ACTR3C: variants seen among roughly 807,000 people sequenced by gnomAD.
The protein encoded by ACTR3C is actin related protein 3C, also known as actin-related protein 3C.
Under a neutral mutation model 26.3 loss-of-function variants are expected in ACTR3C, and 18 were observed. The ratio of observed to expected loss-of-function variants is 0.68; its 90% CI spans 0.47 to 1.01. The LOEUF (loss-of-function observed/expected upper bound fraction) is 1.01, where lower values mean the gene tolerates loss of function less well. Among genes scored for constraint, ACTR3C ranks in the 50% least tolerant of loss-of-function variants. The pLI is 0.00. For missense variants in ACTR3C, 184 were observed against 250.7 expected, an observed-to-expected ratio of 0.73 and a Z score of 1.80; for synonymous variants, 55 against 94.5, an observed-to-expected ratio of 0.58 and a Z score of 2.42.
chr7:150,110,439 C>T, the ACTR3C span, among the ~76,000 whole-genome samples: 1 of 128,174 alleles, frequency 7.8e-6, no homozygotes, highest in Non-Finnish European at 1.7e-5. Context: ...GCAGGTGGGG[C>T]TGCCTGAGGG....
the ACTR3C span, chr7:150,045,111 C>T: frequency 5.9e-5 from 9 of 152,214 alleles, no homozygotes; most frequent in African/African-American, 2.2e-4. Context: ...ATATCCTCAG[C>T]TTTAAATTTG....
At chr7:150,097,069 C>A in the ACTR3C span, among the ~76,000 whole-genome samples, 118 of 152,228 alleles carry the variant, frequency 7.8e-4, no homozygotes, top group Non-Finnish European at 1.0e-3. Flanking sequence ...ATTCCAAACC[C>A]TTCTTATTAA....
chr7:150,209,238 CAGAG>C, the ACTR3C span, among the ~76,000 whole-genome samples: 5 of 142,066 alleles, frequency 3.5e-5, no homozygotes, highest in African/African-American at 1.4e-4. Context: ...GATACAGAAA[CAGAG>C]AGAGACAGAG....
the ACTR3C span, among the ~76,000 whole-genome samples, chr7:150,238,236 G>T: frequency 1.4e-5 from 2 of 138,384 alleles, no homozygotes; most frequent in African/African-American, 3.0e-5. Context: ...AGAGAAATTA[G>T]TTTATCTCTC....
the ACTR3C span, among the ~76,000 whole-genome samples, chr7:149,978,122 C>T: frequency 2.0e-5 from 3 of 151,996 alleles, no homozygotes; most frequent in Non-Finnish European, 2.9e-5. Flanking sequence ...CCACTTCTGC[C>T]ATAGCCCTTC....
At position 150,252,126 on chromosome 7, in the gene ACTR3C, GTGTGTGTGTGTGTGTGTGTGCA is replaced by G. The variant is rs1349865961; in HGVS notation, c.565-3094_565-3073del. On this transcript the variant is annotated intron_variant, in intron 6 of 7. Transcript: ENST00000683684. ...TCCGTGTGTGTTTGTGTATGTGTCT[GTGTGTGTGTGTGTGTGTGTGCA>G]TGTGTGTGTGTGTGTGTGTGCAATG... Among the ~76,000 whole-genome samples, 4 of 107,256 alleles carry G rather than the reference GTGTGTGTGTGTGTGTGTGTGCA, an allele frequency of 3.7e-5. No homozygotes were observed. The South Asian group carries it at 7.6e-4, about 20-fold the overall frequency. The allele number at this position is 107,256 out of a possible 152,430, so 70.4% of individuals were successfully genotyped here.
At chr7:150,031,275 T>TTA in the ACTR3C span, among the ~76,000 whole-genome samples, 2 of 132,440 alleles carry the variant, frequency 1.5e-5, no homozygotes, top group Non-Finnish European at 3.2e-5. Context: ...AAAAAAAAAG[T>TTA]AAAAAAAAAA....
chr7:150,191,336 C>T, the ACTR3C span, among the ~76,000 whole-genome samples: 2 of 152,046 alleles, frequency 1.3e-5, no homozygotes, highest in African/African-American at 4.8e-5. Context: ...ATTAGATCTC[C>T]CAAACAAAGA....
At chr7:150,043,100 G>A in the ACTR3C span, among the ~76,000 whole-genome samples, 9 of 151,244 alleles carry the variant, frequency 6.0e-5, no homozygotes, top group East Asian at 1.9e-4. Flanking sequence ...CTTAAGCTCC[G>A]GTAGATTGCA....
At chr7:150,132,492 CAT>C in the ACTR3C span, among the ~76,000 whole-genome samples, 3 of 152,146 alleles carry the variant, frequency 2.0e-5, no homozygotes, top group Admixed American at 1.3e-4. Context: ...AGCCAACAAA[CAT>C]ATGAAAAAAT....
At chr7:149,937,133 T>C in the ACTR3C span, among the ~76,000 whole-genome samples, 57,864 of 143,856 alleles carry the variant, frequency 0.4, 11,869 homozygotes, top group Non-Finnish European at 0.5. Flanking sequence ...TACCAACTAA[T>C]AGTGCTGTCG....
At chr7:150,023,820 T>C in the ACTR3C span, among the ~76,000 whole-genome samples, 5 of 144,112 alleles carry the variant, frequency 3.5e-5, no homozygotes, top group Non-Finnish European at 7.6e-5. Context: ...TCTGGGCTGG[T>C]GGGCACGGCC....
the ACTR3C span, among the ~76,000 whole-genome samples, chr7:150,182,447 A>C: frequency 6.6e-6 from 1 of 150,882 alleles, no homozygotes; most frequent in Non-Finnish European, 1.5e-5. Context: ...GCAAATAAGA[A>C]AAAATTTGTA....
At chr7:150,259,776 A>G (rs1227458517) in intron 6 of ACTR3C, among the ~76,000 whole-genome samples, 1 of 152,182 alleles carries the variant, frequency 6.6e-6, no homozygotes, top group Non-Finnish European at 1.5e-5. Flanking sequence ...CAAAAATTGT[A>G]TAAAATATTT....
the ACTR3C span, among the ~76,000 whole-genome samples, chr7:150,003,956 G>A: frequency 6.6e-6 from 1 of 151,636 alleles, no homozygotes; most frequent in Non-Finnish European, 1.5e-5. Flanking sequence ...TGTGTTATGT[G>A]CTATGTGTCA....
the ACTR3C span, among the ~76,000 whole-genome samples, chr7:149,926,738 A>T: frequency 6.6e-6 from 1 of 152,182 alleles, no homozygotes; most frequent in Non-Finnish European, 1.5e-5. Flanking sequence ...GATTCCTCCC[A>T]GCAAGTCACT....
chr7:150,290,291 G>A (rs377227619), intron 3 of ACTR3C, among the ~76,000 whole-genome samples: 50 of 152,336 alleles, frequency 3.3e-4, no homozygotes, highest in African/African-American at 1.0e-3. Flanking sequence ...GACCTGGGCC[G>A]ATCAATGGCA....
In ACTR3C at chr7:150,270,620, G is replaced by A. The variant is rs555616835; in HGVS notation, c.564+14133C>T. ...CAACACACATGGGCGCCACCCCCCCGCCCTGCAGCCCATGTGCTCAGCACA... is the reference window on the plus strand; with the variant it reads ...CAACACACATGGGCGCCACCCCCCCACCCTGCAGCCCATGTGCTCAGCACA... On this transcript the variant is annotated intron_variant, in intron 6 of 7. Coordinates refer to ENST00000683684, the MANE Select transcript of ACTR3C (RefSeq NM_001164458.2). Among the ~76,000 whole-genome samples the A allele has an allele frequency of 3.3e-5, 5 of 151,714 alleles. No homozygotes were observed. In the South Asian group the frequency reaches 8.3e-4, roughly 25 times the overall value.
the ACTR3C span, among the ~76,000 whole-genome samples, chr7:150,144,710 CTGTT>C: frequency 6.6e-6 from 1 of 152,136 alleles, no homozygotes. The surrounding 1 kb of genome is among the most constrained non-coding windows in gnomAD (Gnocchi z 4.6). Flanking sequence ...GAAGTTTACT[CTGTT>C]TGGGGAAGAA....
Sources: gnomAD v4.1 joint callset for allele counts (sites outside exome capture counted in the v4.1 genomes callset) on GRCh38, gnomAD v4.1.1 for gene constraint, Gnocchi (gnomAD v3.1) non-coding constraint, MANE v1.5 for transcripts, NCBI Gene and HGNC (gene_info 2026-07-23, HGNC 2026-07-21) for gene names.